LPIN1: variants seen among roughly 807,000 people sequenced by gnomAD.
The protein encoded by LPIN1 is phosphatidate phosphatase LPIN1.
A neutral mutation model predicts 107.5 loss-of-function variants in LPIN1; 71 were observed. The observed-to-expected ratio is 0.66, with a 90% CI of 0.55 to 0.80. The LOEUF (loss-of-function observed/expected upper bound fraction) is 0.80, where lower values mean the gene tolerates loss of function less well. LPIN1 is among the 30% of genes least tolerant of loss of function. The probability of loss-of-function intolerance (pLI) is 0.00; values close to 1 mark genes in which losing one functional copy is unlikely to be tolerated. For synonymous variants in LPIN1, 445 were observed against 452.6 expected (o/e 0.98, Z 0.21); for missense variants, 1,043 against 1,160.6 (o/e 0.90, Z 1.47).
At chr2:11,787,958 A>G (rs371620891) in intron 11 of LPIN1, among the ~76,000 whole-genome samples, 1 of 152,154 alleles carries the variant, frequency 6.6e-6, no homozygotes, top group South Asian at 2.1e-4. Flanking sequence ...AAAAAAAAGA[A>G]AAGAAAAACT....
intron 1 of LPIN1, among the ~76,000 whole-genome samples, chr2:11,698,906 A>C (rs1331292918): frequency 2.0e-5 from 3 of 152,254 alleles, no homozygotes; most frequent in African/African-American, 7.2e-5. Context: ...GCCTCCTTCA[A>C]ATCAGCGTCC....
chr2:11,814,155 C>T (rs1383605392), intron 17 of LPIN1, among the ~76,000 whole-genome samples: 3 of 152,044 alleles, frequency 2.0e-5, no homozygotes, highest in Admixed American at 6.6e-5. Context: ...GTCTGGGAAG[C>T]GGTGGCTGCT....
exon 2 of LPIN1, chr2:11,713,797 G>C (rs1285815129): frequency 1.3e-6 from 2 of 1,522,478 alleles, no homozygotes; most frequent in African/African-American, 1.4e-5. Context: ...GAAATGTATG[G>C]TCTTCAAACA....
rs112533296 is a variant in LPIN1 at position 11,811,394 on chromosome 2, T to C, written c.2250-3694T>C. Among the ~76,000 whole-genome samples, 293 of 152,326 alleles carry C rather than the reference T, an allele frequency of 1.9e-3. 1 individual carries two copies. Among genetic ancestry groups the C allele is most frequent in the African/African-American group, 6.4e-3 (268 of 41,574 alleles). On this transcript the variant is annotated intron_variant, in intron 17 of 20. Transcript: ENST00000674199. ...TTGTTGGCATTGCAGACAGCTTTTGTTGAAGGCAGGAGGGAAGGCTCTTCC... is the reference window on the plus strand; with the variant it reads ...TTGTTGGCATTGCAGACAGCTTTTGCTGAAGGCAGGAGGGAAGGCTCTTCC...
chr2:11,766,605 TGG>T (rs888589294), intron 2 of LPIN1, among the ~76,000 whole-genome samples: 4 of 152,136 alleles, frequency 2.6e-5, no homozygotes, highest in Non-Finnish European at 5.9e-5. Context: ...TGCCTGTCCA[TGG>T]GACCCATGTT....
chr2:11,720,729 G>A (rs1664070087), upstream of LPIN1, among the ~76,000 whole-genome samples: 2 of 152,052 alleles, frequency 1.3e-5, no homozygotes, highest in Admixed American at 6.5e-5. Flanking sequence ...CTGCCGACAT[G>A]TGGTCAGATG....
At chr2:11,812,169 A>G (rs1558291852) in intron 17 of LPIN1, among the ~76,000 whole-genome samples, 1 of 152,244 alleles carries the variant, frequency 6.6e-6, no homozygotes, top group Non-Finnish European at 1.5e-5. Context: ...TATTCATGGT[A>G]GAACAATATG....
Position 11,785,003 on chromosome 2 carries a change from C to T in LPIN1, c.1476C>T (p.Asp492=), listed in dbSNP as rs758039218. 1.2e-6 allele frequency: 2 copies of T among 1,612,922 alleles called. No individual in the cohort carries two copies. The highest frequency in any genetic ancestry group is 1.3e-5 in the African/African-American group (1 of 74,908). The change falls in exon 10 of 21, where the codon GAC becomes GAT. Residue 492 remains aspartate (D), a synonymous_variant. Coordinates refer to ENST00000674199, the MANE Select transcript of LPIN1 (RefSeq NM_001349206.2). ...GVDSGVESTS[D]GLRDLPSIAI... ...ACAGTGGCGTGGAGAGCACCTCGGA[C>T]GGGCTGAGGGACCTCCCTTCCATCG...
chr2:11,826,502 A>G lies in LPIN1; in HGVS notation c.*1711A>G, dbSNP rs543355951. 1.4e-5 allele frequency: 2 copies of G among 145,376 alleles called. No homozygotes were observed. The highest frequency in any genetic ancestry group is 1.4e-4 in the Admixed American group (2 of 14,486). 9.0% of individuals were successfully genotyped at this position (145,376 alleles called of 1,614,324 possible). ...GCACTCCAGCCTGGGTGACAGAGTAAGACTCCATGTCAAAAAAAAAAAAAA... is the reference window on the plus strand; with the variant it reads ...GCACTCCAGCCTGGGTGACAGAGTAGGACTCCATGTCAAAAAAAAAAAAAA... On this transcript the variant is annotated 3_prime_UTR_variant, in exon 21 of 21. Coordinates refer to ENST00000674199, the MANE Select transcript of LPIN1 (RefSeq NM_001349206.2).
upstream of LPIN1, among the ~76,000 whole-genome samples, chr2:11,721,448 A>G (rs1167000796): frequency 6.6e-6 from 1 of 152,076 alleles, no homozygotes; most frequent in East Asian, 1.9e-4. Flanking sequence ...CGAGTTCCCC[A>G]GGTGACTTGT....
At chr2:11,719,610 A>G (rs1663982716), upstream of LPIN1, among the ~76,000 whole-genome samples, 3 of 152,172 alleles carry the variant, frequency 2.0e-5, no homozygotes, top group African/African-American at 4.8e-5. Context: ...TTGAAATTTA[A>G]TGAGTTATCT....
intron 1 of LPIN1, among the ~76,000 whole-genome samples, chr2:11,736,704 T>A (rs1039097764): frequency 1.3e-5 from 2 of 152,246 alleles, no homozygotes; most frequent in African/African-American, 4.8e-5. Context: ...ATACTAGAAA[T>A]TTAGAAATAT....
chr2:11,770,856 G>C (rs569372140), intron 3 of LPIN1, among the ~76,000 whole-genome samples: 2 of 152,268 alleles, frequency 1.3e-5, no homozygotes, highest in South Asian at 4.1e-4. Context: ...AGGTTCTTGG[G>C]CGGGGCTATC....
chr2:11,813,927 CAAAA>C (rs113707275), intron 17 of LPIN1, among the ~76,000 whole-genome samples: 9 of 142,552 alleles, frequency 6.3e-5, no homozygotes, highest in African/African-American at 2.3e-4. Context: ...AACAAATAAA[CAAAA>C]AAAAAAAGTG....
At chr2:11,730,937 T>G (rs1448711387) in intron 1 of LPIN1, among the ~76,000 whole-genome samples, 5 of 152,090 alleles carry the variant, frequency 3.3e-5, no homozygotes, top group Non-Finnish European at 7.4e-5. Flanking sequence ...CGATGTGAGG[T>G]GGGGAGGGGC....
chr2:11,717,228 C>G (rs77398064), intron 2 of LPIN1, among the ~76,000 whole-genome samples: 457 of 152,266 alleles, frequency 3.0e-3, no homozygotes, highest in South Asian at 8.9e-3. Context: ...TTAATTGATG[C>G]GTCTTTGCAC....
At chr2:11,720,566 C>T (rs1409142026), upstream of LPIN1, among the ~76,000 whole-genome samples, 2 of 151,934 alleles carry the variant, frequency 1.3e-5, no homozygotes, top group African/African-American at 4.8e-5. Flanking sequence ...TGGCTGTTGA[C>T]CAGGTGAAGA....
chr2:11,764,028 C>T (rs1338247452), intron 1 of LPIN1, among the ~76,000 whole-genome samples: 2 of 130,132 alleles, frequency 1.5e-5, no homozygotes, highest in African/African-American at 3.0e-5. Context: ...GTCTTTTGTC[C>T]AGCCAGAGCA....
In LPIN1 at chr2:11,819,555, C is replaced by G; in HGVS notation, c.2474C>G (p.Pro825Arg). The change falls in exon 19 of 21, where the codon CCC (proline) becomes CGC (arginine). Residue 825 changes from proline to arginine, a missense_variant. Coordinates refer to ENST00000674199, the MANE Select transcript of LPIN1 (RefSeq NM_001349206.2). ...ACAGACATCAAAAACCTGTTTTTCC[C>G]CAACACAGAACCCTTTTATGCTGCT... ...CLTDIKNLFFPNTEPFYAAFG... is the reference protein window; with the variant it reads ...CLTDIKNLFFRNTEPFYAAFG... The G allele has an allele frequency of 6.2e-7, 1 of 1,614,088 alleles. No homozygotes were observed. Among genetic ancestry groups the G allele is most frequent in the Non-Finnish European group, 8.5e-7 (1 of 1,179,946 alleles).
Sources: gnomAD v4.1 joint callset for allele counts (sites outside exome capture counted in the v4.1 genomes callset) on GRCh38, gnomAD v4.1.1 for gene constraint, MANE v1.5 for transcripts, NCBI Gene and HGNC (gene_info 2026-07-23, HGNC 2026-07-21) for gene names.